The following GSE1 variants were observed in gnomAD, a reference collection of about 807,000 sequenced individuals.
GSE1 encodes the protein genetic suppressor element 1.
GSE1 carries 32 observed loss-of-function variants against 112.6 expected under a neutral mutation model. The ratio of observed to expected loss-of-function variants is 0.28; its 90% CI spans 0.21 to 0.38. The LOEUF is 0.38. Ranked by LOEUF, GSE1 falls within the 10% of genes least tolerant of loss-of-function variation. GSE1 has a pLI of 1.00. For missense variants in GSE1, 2,348 were observed against 1,699.2 expected (o/e 1.38, Z -6.71); for synonymous variants, 1,115 against 735.6 (o/e 1.52, Z -8.35).
intron 1 of GSE1, among the ~76,000 whole-genome samples, chr16:85,258,975 G>C (rs946290280): frequency 2.0e-5 from 3 of 152,214 alleles, no homozygotes; most frequent in Non-Finnish European, 4.4e-5. Context: ...TGGGGGCTGA[G>C]CTTCTGGGAG....
intron 11 of GSE1, 28 bp downstream of exon 11, chr16:85,663,642 G>T: frequency 1.3e-6 from 2 of 1,589,868 alleles, no homozygotes; most frequent in Non-Finnish European, 1.7e-6. Flanking sequence ...TAGGAAGGTG[G>T]GGGCTCACTG....
At chr16:85,537,470 G>A (rs1330263177) in intron 2 of GSE1, among the ~76,000 whole-genome samples, 2 of 152,196 alleles carry the variant, frequency 1.3e-5, no homozygotes, top group African/African-American at 2.4e-5. Flanking sequence ...GCCCAACCTG[G>A]GGTCAACGGG....
At position 85,257,400 on chromosome 16, in the gene GSE1, C is replaced by T. The variant is rs77991051; in HGVS notation, c.2283+85593C>T. On this transcript the variant is annotated intron_variant, in intron 1 of 2. Transcript: ENST00000637419. ...TGCTGGGATTACAGGCATGAGCCAC[C>T]ACGCTCAGCAATGTTCTGCATTTTC... Among the ~76,000 whole-genome samples, 475 of 152,282 alleles carry T rather than the reference C, an allele frequency of 3.1e-3. 1 individual carries two copies. Among genetic ancestry groups the T allele is most frequent in the African/African-American group, 0.011 (454 of 41,562 alleles).
chr16:85,485,423 C>G (rs1339090946), intron 2 of GSE1, among the ~76,000 whole-genome samples: 3 of 152,254 alleles, frequency 2.0e-5, no homozygotes, highest in Non-Finnish European at 4.4e-5. Context: ...TCCCCTGTGC[C>G]TTCACTTCTG....
At chr16:85,647,785 C>CGAA (rs1472358415) in intron 2 of GSE1, among the ~76,000 whole-genome samples, 2 of 152,174 alleles carry the variant, frequency 1.3e-5, no homozygotes, top group Non-Finnish European at 2.9e-5. Context: ...CAGGGTTTCA[C>CGAA]CATGTTGGCC....
chr16:85,575,074 C>G (rs982617998), intron 1 of GSE1, among the ~76,000 whole-genome samples: 8 of 147,458 alleles, frequency 5.4e-5, no homozygotes, highest in Non-Finnish European at 1.2e-4. Context: ...TTTTTACGCT[C>G]CAGTTAATTA....
intron 2 of GSE1, among the ~76,000 whole-genome samples, chr16:85,387,834 G>T (rs1324703755): frequency 6.6e-6 from 1 of 152,236 alleles, no homozygotes; most frequent in African/African-American, 2.4e-5. Flanking sequence ...GAAAATGGAT[G>T]GGTGTATGTT....
chr16:85,436,385 C>G (rs2049246886), intron 2 of GSE1, among the ~76,000 whole-genome samples: 1 of 152,218 alleles, frequency 6.6e-6, no homozygotes, highest in African/African-American at 2.4e-5. Flanking sequence ...AGCCCTGAGT[C>G]CAGCCCCAGC....
At chr16:85,642,519 C>G (rs773422084) in intron 2 of GSE1, among the ~76,000 whole-genome samples, 24 of 152,170 alleles carry the variant, frequency 1.6e-4, no homozygotes, top group Non-Finnish European at 3.5e-4. Context: ...TGTCGCTCAC[C>G]CATCTGTTCA....
In GSE1 at chr16:85,571,193, C is replaced by T. The variant is rs572125680; in HGVS notation, c.37+14830C>T. 5.9e-5 allele frequency among the ~76,000 whole-genome samples: 9 copies of T among 152,320 alleles called. No homozygotes were observed. In the East Asian group the frequency reaches 9.7e-4, roughly 16 times the overall value. On this transcript the variant is annotated intron_variant, in intron 1 of 2. Coordinates refer to the GSE1 transcript ENST00000635906. ...AGGGGAACTTCCCTCCCTTGAGCCC[C>T]GGAGTCACGTGCACCCTTCCAAGGC... is the stretch of plus-strand genomic sequence containing the variant.
intron 1 of GSE1, among the ~76,000 whole-genome samples, chr16:85,174,699 C>G (rs560155541): frequency 6.6e-6 from 1 of 151,952 alleles, no homozygotes; most frequent in Non-Finnish European, 1.5e-5. Flanking sequence ...AGCAAAGTGC[C>G]GAGAAGTAGC....
At chr16:85,502,077 A>G (rs2051387367) in intron 2 of GSE1, among the ~76,000 whole-genome samples, 1 of 151,840 alleles carries the variant, frequency 6.6e-6, no homozygotes. Flanking sequence ...GGGGCACTCG[A>G]TGGGGGTCCG....
chr16:85,248,989 G>A (rs769431584), intron 1 of GSE1, among the ~76,000 whole-genome samples: 6 of 152,196 alleles, frequency 3.9e-5, no homozygotes, highest in African/African-American at 1.4e-4. Flanking sequence ...GGAACTTGGG[G>A]CGGGGGAGAC....
chr16:85,268,160 G>A (rs1217092295), intron 1 of GSE1, among the ~76,000 whole-genome samples: 1 of 152,128 alleles, frequency 6.6e-6, no homozygotes, highest in African/African-American at 2.4e-5. Flanking sequence ...GCTGCCTTGG[G>A]GGGATTGCTT....
chr16:85,511,614 G>A (rs560373262), intron 2 of GSE1, among the ~76,000 whole-genome samples: 112 of 152,304 alleles, frequency 7.4e-4, no homozygotes, highest in African/African-American at 2.5e-3. Context: ...TTTGGAAAAG[G>A]GGTTTTGCAG....
chr16:85,648,385 G>A (rs1408210678), intron 2 of GSE1, among the ~76,000 whole-genome samples, 167 bp from the exon 3 acceptor site: 3 of 152,086 alleles, frequency 2.0e-5, no homozygotes, highest in Non-Finnish European at 4.4e-5. Context: ...CCTCAGGAGA[G>A]GTGTCTCCTG....
Position 85,546,332 on chromosome 16 carries a change from G to A in GSE1, c.2465-87582G>A, listed in dbSNP as rs146616220. Among the ~76,000 whole-genome samples the A allele has an allele frequency of 2.5e-3, 375 of 152,214 alleles. 1 individual carries two copies. The highest frequency in any genetic ancestry group is 8.6e-3 in the African/African-American group (355 of 41,516). On this transcript the variant is annotated intron_variant, in intron 2 of 2. Coordinates refer to the GSE1 transcript ENST00000637419. ...AACTTGTGGCCTAAGTGATCCACCC[G>A]CCTCAGCCTCTCAAAGTGCTGGGGT...
At chr16:85,566,088 C>G (rs182254320) in intron 1 of GSE1, among the ~76,000 whole-genome samples, 2 of 152,150 alleles carry the variant, frequency 1.3e-5, no homozygotes, top group African/African-American at 4.8e-5. Flanking sequence ...TGACAGTGTT[C>G]GATGAGTTAA....
intron 1 of GSE1, among the ~76,000 whole-genome samples, chr16:85,562,634 AG>A (rs1414562716): frequency 6.6e-6 from 1 of 152,224 alleles, no homozygotes; most frequent in Non-Finnish European, 1.5e-5. Flanking sequence ...AGAGCCGGGA[AG>A]GGGAGGACGT....
Sources: gnomAD v4.1 joint callset for allele counts (sites outside exome capture counted in the v4.1 genomes callset) on GRCh38, gnomAD v4.1.1 for gene constraint, MANE v1.5 for transcripts, NCBI Gene and HGNC (gene_info 2026-07-23, HGNC 2026-07-21) for gene names.